The following UGT3A2 variants were observed in gnomAD, a reference collection of about 807,000 sequenced individuals.
UGT3A2 encodes the protein UDP glycosyltransferase family 3 member A2.
UGT3A2 carries 32 observed loss-of-function variants against 39.8 expected under a neutral mutation model. The ratio of observed to expected loss-of-function variants is 0.80; its 90% CI spans 0.61 to 1.08. UGT3A2 has a LOEUF of 1.08. Ranked by LOEUF, UGT3A2 falls within the 50% of genes least tolerant of loss-of-function variation. The pLI is 0.00. For missense variants in UGT3A2, 611 were observed against 637.1 expected, an observed-to-expected ratio of 0.96 and a Z score of 0.44; for synonymous variants, 241 against 230.7, an observed-to-expected ratio of 1.04 and a Z score of -0.40.
In UGT3A2 at chr5:36,035,855, T is replaced by C. The variant is rs1741805416; in HGVS notation, c.1415A>G (p.Lys472Arg). The change falls in exon 7 of 7, where the codon AAG (lysine) becomes AGG (arginine). Residue 472 changes from lysine (K) to arginine (R), a missense_variant. Coordinates refer to ENST00000282507, the MANE Select transcript of UGT3A2 (RefSeq NM_174914.4). Reference protein sequence around the residue: ...VLQTGGATHLKPYVFQQPWHE... With the variant: ...VLQTGGATHLRPYVFQQPWHE... ...CCAGGGCTGCTGAAAGACATAGGGC[T>C]TGAGGTGCGTCGCGCCCCCTGTCTG... 1 of 1,614,166 alleles carries C rather than the reference T, an allele frequency of 6.2e-7. No individual in the cohort carries two copies. Among genetic ancestry groups the C allele is most frequent in the Non-Finnish European group, 8.5e-7 (1 of 1,180,032 alleles).
intron 4 of UGT3A2, among the ~76,000 whole-genome samples, chr5:36,047,241 G>A (rs1261185597): frequency 2.0e-5 from 3 of 152,114 alleles, no homozygotes; most frequent in Admixed American, 6.6e-5. Flanking sequence ...TCCCTAAAAT[G>A]TATAAAACCA....
intron 4 of UGT3A2, among the ~76,000 whole-genome samples, chr5:36,044,832 G>C (rs1742117970): frequency 6.6e-6 from 1 of 152,050 alleles, no homozygotes; most frequent in Non-Finnish European, 1.5e-5. Flanking sequence ...TAATTGAAGA[G>C]GACATTTTAA....
At position 36,048,940 on chromosome 5, in the gene UGT3A2, G is replaced by A. The variant is rs369380827; in HGVS notation, c.792C>T (p.Asn264=). The A allele has an allele frequency of 5.0e-6, 8 of 1,614,060 alleles. No homozygotes were observed. Among genetic ancestry groups the A allele is most frequent in the South Asian group, 1.1e-5 (1 of 91,082 alleles). The change falls in exon 4 of 7, where the codon AAC becomes AAT. Residue 264 remains asparagine (N), a synonymous_variant. Coordinates refer to ENST00000282507, the MANE Select transcript of UGT3A2 (RefSeq NM_174914.4). The part of the protein sequence containing the change: ...AFDFARPLLP[N]TVYVGGLMEK... Reference sequence around the variant, plus strand: ...CCATCAAGCCTCCAACATAAACAGTGTTGGGAAGCAGAGGTCGAGCAAAAT... The same window carrying A: ...CCATCAAGCCTCCAACATAAACAGTATTGGGAAGCAGAGGTCGAGCAAAAT...
intron 4 of UGT3A2, 125 bp from the exon 5 acceptor site, chr5:36,039,833 T>A: frequency 2.8e-6 from 2 of 721,812 alleles, no homozygotes; most frequent in Non-Finnish European, 4.7e-6. Flanking sequence ...AAGCTATTAT[T>A]ATAGCTCCTA....
rs777635217 is a variant in UGT3A2, at chr5:36,049,379, G to A, written c.353C>T (p.Ala118Val). The change falls in exon 4 of 7, where the codon GCG becomes GTG. Residue 118 changes from alanine to valine, a missense_variant. Ala to Val is a moderately conservative substitution (Grantham distance 64). Coordinates refer to ENST00000282507, the MANE Select transcript of UGT3A2 (RefSeq NM_174914.4). ...ATTTAAAAAATGACTGCACTGCAAC[G>A]CCAAGTATTCTAGAACATTTAATAA... is the stretch of plus-strand genomic sequence containing the variant. Reference protein sequence around the residue: ...ENLLNVLEYLALQCSHFLNRK... With the variant: ...ENLLNVLEYLVLQCSHFLNRK... 8 of 1,593,230 alleles carry A rather than the reference G, an allele frequency of 5.0e-6. No individual in the cohort carries two copies. Among genetic ancestry groups the A allele is most frequent in the South Asian group, 2.3e-5 (2 of 86,618 alleles).
chr5:36,048,534 C>A (rs1283138283), intron 4 of UGT3A2, among the ~76,000 whole-genome samples: 1 of 152,218 alleles, frequency 6.6e-6, no homozygotes, highest in African/African-American at 2.4e-5. Context: ...ACAATTACTG[C>A]ATGTAATGGG....
intron 2 of UGT3A2, among the ~76,000 whole-genome samples, chr5:36,060,585 G>A (rs901698039): frequency 6.6e-5 from 10 of 152,126 alleles, no homozygotes; most frequent in African/African-American, 1.7e-4. Flanking sequence ...CACTAGAAGC[G>A]GGGAGCTCTT....
intron 2 of UGT3A2, 83 bp downstream of exon 2, chr5:36,064,166 A>T: frequency 7.8e-7 from 1 of 1,280,604 alleles, no homozygotes; most frequent in Non-Finnish European, 1.1e-6. Context: ...TTTTTAAAAA[A>T]CATTTTGCTA....
Position 36,053,554 on chromosome 5 carries a change from C to A in UGT3A2, c.197-1570G>T, listed in dbSNP as rs115997374. Among the ~76,000 whole-genome samples the A allele has an allele frequency of 6.7e-3, 1,013 of 152,292 alleles. 15 individuals carry two copies. The highest frequency in any genetic ancestry group is 0.024 in the African/African-American group (979 of 41,564). On this transcript the variant is annotated intron_variant, in intron 2 of 6. Coordinates refer to ENST00000282507, the MANE Select transcript of UGT3A2 (RefSeq NM_174914.4). Reference sequence around the variant, plus strand: ...CTCTCATTAGTGCCCGCCAGGGACACCTGCACTGTAAAGGCTTTAGCATCC... The same window carrying A: ...CTCTCATTAGTGCCCGCCAGGGACAACTGCACTGTAAAGGCTTTAGCATCC...
intron 2 of UGT3A2, among the ~76,000 whole-genome samples, chr5:36,059,361 CTTTTTTTTTT>C (rs35872759): frequency 8.4e-6 from 1 of 118,744 alleles, no homozygotes; most frequent in African/African-American, 3.2e-5. Flanking sequence ...TTTCTTTTCT[CTTTTTTTTTT>C]TTTTTTTTTG....
rs1431647894 is a variant in UGT3A2 at position 36,066,790 on chromosome 5, G to A, written c.-1C>T. ...GAAGAAGCACTCGCTGCCCAGCCAT[G>A]CTCACTTCTACGGAAGCCGCGGATC... is the stretch of plus-strand genomic sequence containing the variant. On this transcript the variant is annotated 5_prime_UTR_variant, in exon 1 of 7. Coordinates refer to ENST00000282507, the MANE Select transcript of UGT3A2 (RefSeq NM_174914.4). 2 of 1,614,174 alleles carry A rather than the reference G, an allele frequency of 1.2e-6. No individual in the cohort carries two copies. Among genetic ancestry groups the A allele is most frequent in the Admixed American group, 1.7e-5 (1 of 60,028 alleles).
At position 36,035,874 on chromosome 5, in the gene UGT3A2, CT is replaced by C. The variant is rs1561487480; in HGVS notation, c.1395del (p.Gly467AlafsTer54). 3 of 1,614,040 alleles carry C rather than the reference CT, an allele frequency of 1.9e-6. No homozygotes were observed. Among genetic ancestry groups the C allele is most frequent in the East Asian group, 2.2e-5 (1 of 44,884 alleles). ...TAGGGCTTGAGGTGCGTCGCGCCCC[CT>C]GTCTGGAGGACGTGGTCAATCCAGC... ...LVGWIDHVLQ[T>X]GGATHLKPYV... is the part of the protein sequence containing the mutation. On this transcript the variant is annotated frameshift_variant, in exon 7 of 7. Coordinates refer to ENST00000282507, the MANE Select transcript of UGT3A2 (RefSeq NM_174914.4). LOFTEE classifies it low-confidence loss of function (END_TRUNC).
In UGT3A2 at chr5:36,035,758, C is replaced by T; in HGVS notation, c.1512G>A (p.Gly504=). 3 of 1,614,122 alleles carry T rather than the reference C, an allele frequency of 1.9e-6. No individual in the cohort carries two copies. The South Asian group carries it at 3.3e-5, about 18-fold the overall frequency. Residue 504 remains glycine (G), a synonymous_variant, in exon 7 of 7, where the codon GGG becomes GGA. Coordinates refer to ENST00000282507, the MANE Select transcript of UGT3A2 (RefSeq NM_174914.4). ...ACCAGACAGCCATGCCCAGCAGCTT[C>T]CCACAAAGCCATAGAGTCCCCAGAG... ...GLTLGTLWLC[G]KLLGMAVWWL...
At chr5:36,053,983 G>A (rs1402889158) in intron 2 of UGT3A2, among the ~76,000 whole-genome samples, 1 of 152,168 alleles carries the variant, frequency 6.6e-6, no homozygotes, top group Non-Finnish European at 1.5e-5. Context: ...GGAAGAAGAA[G>A]AATTGTCTTG....
At chr5:36,042,234 G>A (rs1580999419) in intron 4 of UGT3A2, among the ~76,000 whole-genome samples, 1 of 152,122 alleles carries the variant, frequency 6.6e-6, no homozygotes, top group Admixed American at 6.5e-5. Flanking sequence ...CGGACTGGGA[G>A]ATAAAGTGTA....
At chr5:36,050,262 A>G (rs940480340) in intron 3 of UGT3A2, among the ~76,000 whole-genome samples, 2 of 152,110 alleles carry the variant, frequency 1.3e-5, no homozygotes, top group East Asian at 3.9e-4. Context: ...ATGCAAAGGG[A>G]CGATTCTTTT....
chr5:36,036,064 G>GA, intron 6 of UGT3A2, 90 bp from the exon 7 acceptor site: 1 of 1,401,732 alleles, frequency 7.1e-7, no homozygotes, highest in East Asian at 2.4e-5. Context: ...ACCAAAGACT[G>GA]AGTTCCAAGG....
chr5:36,044,482 C>A (rs1409920075), intron 4 of UGT3A2, among the ~76,000 whole-genome samples: 2 of 151,898 alleles, frequency 1.3e-5, no homozygotes, highest in Admixed American at 6.6e-5. Flanking sequence ...CTAGCTAGAG[C>A]AATCAGAAAA....
At chr5:36,040,129 G>A (rs1049472576) in intron 4 of UGT3A2, among the ~76,000 whole-genome samples, 2 of 151,776 alleles carry the variant, frequency 1.3e-5, no homozygotes, top group African/African-American at 4.8e-5. Context: ...CATAGGGTAA[G>A]GCTCCTCTTC....
Sources: allele counts gnomAD v4.1 joint callset (sites outside exome capture counted in the v4.1 genomes callset), GRCh38; gene constraint gnomAD v4.1.1; transcripts MANE v1.5; gene names NCBI Gene and HGNC (gene_info 2026-07-23, HGNC 2026-07-21).